The following NEDD4L variants were observed in gnomAD, a reference collection of about 807,000 sequenced individuals.
NEDD4L encodes the protein E3 ubiquitin-protein ligase NEDD4-like.
A neutral mutation model predicts 148.9 loss-of-function variants in NEDD4L; 54 were observed. The observed-to-expected ratio is 0.36, with a 90% confidence interval of 0.29 to 0.45. The LOEUF is 0.45. NEDD4L is among the 20% of genes least tolerant of loss of function. The pLI is 1.00. For synonymous variants in NEDD4L, 433 were observed against 440.7 expected, an observed-to-expected ratio of 0.98 and a Z score of 0.22; for missense variants, 856 against 1,233.8, an observed-to-expected ratio of 0.69 and a Z score of 4.59.
Position 58,256,150 on chromosome 18 carries a change from C to G in NEDD4L, c.297+4096C>G. ...CAGGGCTCCAGGTCAACGGCACGTG[C>G]GGCCGCCGCGTGCGGTGCTCCGGCC... On this transcript the variant is annotated intron_variant, in intron 5 of 30. Coordinates refer to ENST00000400345, the MANE Select transcript of NEDD4L (RefSeq NM_001144967.3). The surrounding 1 kb of genome is among the most constrained non-coding windows in gnomAD (Gnocchi z 5.2). 8.2e-7 allele frequency: 1 copy of G among 1,221,120 alleles called. No homozygotes were observed. The highest frequency in any genetic ancestry group is 1.0e-6 in the Non-Finnish European group (1 of 981,314). 75.6% of individuals were successfully genotyped at this position (1,221,120 alleles called of 1,614,324 possible).
chr18:58,264,866 A>G (rs1393654948), intron 5 of NEDD4L, among the ~76,000 whole-genome samples: 3 of 152,062 alleles, frequency 2.0e-5, no homozygotes, highest in Non-Finnish European at 4.4e-5. Context: ...TTCTCTCTTG[A>G]GTATGAAATA....
At chr18:58,265,495 A>T (rs1437664159) in intron 5 of NEDD4L, among the ~76,000 whole-genome samples, 1 of 152,126 alleles carries the variant, frequency 6.6e-6, no homozygotes, top group East Asian at 1.9e-4. Context: ...AATGCAATGG[A>T]TTATTGTCAC....
intron 1 of NEDD4L, among the ~76,000 whole-genome samples, chr18:58,115,147 TG>T (rs766042869): frequency 6.6e-6 from 1 of 152,180 alleles, no homozygotes; most frequent in Non-Finnish European, 1.5e-5. Flanking sequence ...ATTGTGAACC[TG>T]GCTCACTGGC....
intron 2 of NEDD4L, among the ~76,000 whole-genome samples, chr18:58,179,607 G>A (rs1383935481): frequency 1.3e-5 from 2 of 152,032 alleles, no homozygotes; most frequent in Admixed American, 6.5e-5. Context: ...GAGCTCCGCT[G>A]CCTCTCGGAT....
chr18:58,166,862 A>G (rs1882523593), intron 2 of NEDD4L, among the ~76,000 whole-genome samples: 1 of 152,076 alleles, frequency 6.6e-6, no homozygotes, highest in Admixed American at 6.5e-5. Context: ...CTGACACTGG[A>G]GTCCCTCTAT....
intron 1 of NEDD4L, among the ~76,000 whole-genome samples, chr18:58,140,144 C>T (rs1036399782): frequency 2.6e-5 from 4 of 152,124 alleles, no homozygotes; most frequent in Non-Finnish European, 1.5e-5. Flanking sequence ...ATACCTATAC[C>T]TAGTCCCAGA....
intron 2 of NEDD4L, among the ~76,000 whole-genome samples, chr18:58,233,545 A>G (rs958929649): frequency 4.6e-5 from 7 of 152,204 alleles, no homozygotes; most frequent in African/African-American, 1.4e-4. Context: ...CCCTCCCACA[A>G]CATGTGGGAA....
intron 19 of NEDD4L, among the ~76,000 whole-genome samples, chr18:58,363,053 A>C (rs2045677511): frequency 6.6e-6 from 1 of 152,248 alleles, no homozygotes; most frequent in Non-Finnish European, 1.5e-5. Flanking sequence ...GACCATAGGC[A>C]GTGTAAATTG....
chr18:58,117,838 A>G (rs892788959), intron 1 of NEDD4L, among the ~76,000 whole-genome samples: 14 of 152,140 alleles, frequency 9.2e-5, no homozygotes, highest in Admixed American at 2.6e-4. Context: ...TATATACTCC[A>G]TGACATGGAG....
intron 5 of NEDD4L, among the ~76,000 whole-genome samples, chr18:58,279,091 G>A (rs2052600289): frequency 6.6e-6 from 1 of 151,914 alleles, no homozygotes; most frequent in Admixed American, 6.6e-5. Context: ...TGGCCAGGCT[G>A]GTCTCAAACG....
intron 18 of NEDD4L, 159 bp downstream of exon 18, chr18:58,351,204 T>C: frequency 2.0e-6 from 2 of 984,788 alleles, no homozygotes; most frequent in South Asian, 4.7e-5. Flanking sequence ...CATACGGTAC[T>C]GTGCATTCAC....
At chr18:58,151,408 T>C (rs1364294042) in intron 1 of NEDD4L, among the ~76,000 whole-genome samples, 2 of 152,242 alleles carry the variant, frequency 1.3e-5, no homozygotes, top group Admixed American at 6.5e-5. Flanking sequence ...CTTATCTCCA[T>C]ATATTTGGAT....
intron 1 of NEDD4L, among the ~76,000 whole-genome samples, chr18:58,106,464 A>G (rs1201628306): frequency 6.6e-6 from 1 of 152,146 alleles, no homozygotes; most frequent in African/African-American, 2.4e-5. Context: ...AGTGCTAGGT[A>G]CTGTGGGTTT....
intron 1 of NEDD4L, among the ~76,000 whole-genome samples, chr18:58,083,616 A>T (rs2083583229): frequency 6.6e-6 from 1 of 152,204 alleles, no homozygotes; most frequent in Non-Finnish European, 1.5e-5. Context: ...TGAACTCGGG[A>T]GGCAGAGCTT....
intron 2 of NEDD4L, among the ~76,000 whole-genome samples, chr18:58,214,719 CTAAT>C (rs2042970231): frequency 6.8e-6 from 1 of 147,506 alleles, no homozygotes; most frequent in Admixed American, 6.9e-5. Context: ...GGTTTTTTCT[CTAAT>C]TAATAGATCT....
intron 1 of NEDD4L, among the ~76,000 whole-genome samples, chr18:58,100,423 T>G (rs1309955105): frequency 6.6e-6 from 1 of 152,216 alleles, no homozygotes; most frequent in East Asian, 1.9e-4. Flanking sequence ...GGTGATAAAT[T>G]GTTTTAGCAA....
At chr18:58,250,202 T>C (rs2047732856) in intron 4 of NEDD4L, among the ~76,000 whole-genome samples, 1 of 151,960 alleles carries the variant, frequency 6.6e-6, no homozygotes, top group South Asian at 2.1e-4. Context: ...CAGGCTGGAG[T>C]GCAGTGGCAC....
At chr18:58,335,739 A>T (rs145874084) in intron 13 of NEDD4L, 4 of 488,382 alleles carry the variant, frequency 8.2e-6, no homozygotes, top group Admixed American at 3.4e-5. Context: ...TTTTAGTCCC[A>T]CATAATTTTA....
chr18:58,210,994 A>G (rs185469407), intron 2 of NEDD4L, among the ~76,000 whole-genome samples: 2 of 152,338 alleles, frequency 1.3e-5, no homozygotes, highest in East Asian at 3.9e-4. Flanking sequence ...GAATATATGA[A>G]TAAGTCAGTA....
Sources: gnomAD v4.1 joint callset for allele counts (sites outside exome capture counted in the v4.1 genomes callset) on GRCh38, gnomAD v4.1.1 for gene constraint, Gnocchi (gnomAD v3.1) non-coding constraint, MANE v1.5 for transcripts, NCBI Gene and HGNC (gene_info 2026-07-23, HGNC 2026-07-21) for gene names.